The following WNT9B variants were observed in gnomAD, a reference collection of about 807,000 sequenced individuals.
The protein encoded by WNT9B is Wnt family member 9B.
In WNT9B, 12 loss-of-function variants were observed where a neutral mutation model predicts 30.2. The observed-to-expected ratio is 0.40, with a 90% confidence interval of 0.26 to 0.64. WNT9B has a LOEUF of 0.64. Among genes scored for constraint, WNT9B ranks in the 30% least tolerant of loss-of-function variants. The pLI is 0.42. For missense variants in WNT9B, 442 were observed against 485.2 expected (o/e 0.91, Z 0.84); for synonymous variants, 218 against 216.9 (o/e 1.01, Z -0.05).
At chr17:46,885,698 A>C (rs983716944) in exon 5 of WNT9B, 4 of 152,178 alleles carry the variant, frequency 2.6e-5, no homozygotes, top group Admixed American at 6.5e-5. Flanking sequence ...TGAATTTATA[A>C]ATCTTGTTCT....
At position 46,878,947 on chromosome 17, in the gene WNT9B, C is replaced by G. The variant is rs551693965; in HGVS notation, c.*2229C>G. On this transcript the variant is annotated 3_prime_UTR_variant, in exon 4 of 4. Coordinates refer to ENST00000290015, the MANE Select transcript of WNT9B (RefSeq NM_003396.3). ...GTCTGTCTCTCTCCCTCTCTTCTTC[C>G]TTGCTCTCATCCCTTTCTTTTCCAG... 2.0e-5 allele frequency among the ~76,000 whole-genome samples: 3 copies of G among 152,292 alleles called. No individual in the cohort carries two copies. The highest frequency in any genetic ancestry group is 1.9e-4 in the East Asian group (1 of 5,172).
At chr17:46,868,750 C>A (rs755813906) in intron 1 of WNT9B, among the ~76,000 whole-genome samples, 1 of 152,170 alleles carries the variant, frequency 6.6e-6, no homozygotes, top group Non-Finnish European at 1.5e-5. Flanking sequence ...CACAGAGGGA[C>A]CCAGTGAGTG....
At chr17:46,847,725 C>T (rs1041080279), upstream of WNT9B, among the ~76,000 whole-genome samples, 1 of 152,118 alleles carries the variant, frequency 6.6e-6, no homozygotes, top group African/African-American at 2.4e-5. Flanking sequence ...AGTTCATTTC[C>T]AGTGCAGTTT....
chr17:46,851,296 C>T (rs1261641600), upstream of WNT9B, among the ~76,000 whole-genome samples: 2 of 152,000 alleles, frequency 1.3e-5, no homozygotes, highest in African/African-American at 2.4e-5. The surrounding 1 kb of genome is among the most constrained non-coding windows in gnomAD (Gnocchi z 4.3). Context: ...GTACCCTCCT[C>T]CCCGCCTCTC....
At chr17:46,870,267 G>A (rs1482415848) in intron 1 of WNT9B, among the ~76,000 whole-genome samples, 1 of 152,172 alleles carries the variant, frequency 6.6e-6, no homozygotes, top group Non-Finnish European at 1.5e-5. Context: ...GAGGACATTT[G>A]AGGGCAAGGT....
At chr17:46,868,874 A>G (rs920429500) in intron 1 of WNT9B, among the ~76,000 whole-genome samples, 1 of 152,220 alleles carries the variant, frequency 6.6e-6, no homozygotes, top group African/African-American at 2.4e-5. Context: ...TCTGGGGTCT[A>G]GGAAGATACC....
chr17:46,854,011 G>A (rs781111796), intron 1 of WNT9B, among the ~76,000 whole-genome samples: 3 of 152,076 alleles, frequency 2.0e-5, no homozygotes, highest in Non-Finnish European at 1.5e-5. Flanking sequence ...AGGGCTGAGA[G>A]GGATGAGTAT....
At chr17:46,839,949 T>TC (rs1555693220) in intron 1 of WNT9B, among the ~76,000 whole-genome samples, 2 of 148,686 alleles carry the variant, frequency 1.3e-5, no homozygotes, top group African/African-American at 5.1e-5. Context: ...TCTTTCTTTC[T>TC]TTCTTTCTTT....
At chr17:46,872,496 C>T in intron 1 of WNT9B, 21 bp from the exon 2 acceptor site, 1 of 1,471,304 alleles carries the variant, frequency 6.8e-7, no homozygotes, top group Non-Finnish European at 9.0e-7. Context: ...TCACCTGTCT[C>T]CCTCCTCTCG....
At chr17:46,872,983 G>T (rs1438471049) in intron 2 of WNT9B, among the ~76,000 whole-genome samples, 4 of 152,076 alleles carry the variant, frequency 2.6e-5, no homozygotes, top group Non-Finnish European at 5.9e-5. Flanking sequence ...AGGTTTGGGG[G>T]AGCAGAGGAG....
At chr17:46,854,641 A>G (rs141056416) in intron 1 of WNT9B, among the ~76,000 whole-genome samples, 8 of 152,258 alleles carry the variant, frequency 5.3e-5, no homozygotes, top group East Asian at 1.9e-4. Flanking sequence ...AAAAAACATA[A>G]CTAGTATTGC....
intron 1 of WNT9B, among the ~76,000 whole-genome samples, chr17:46,842,239 G>C (rs549799762): frequency 6.6e-6 from 1 of 152,376 alleles, no homozygotes; most frequent in East Asian, 1.9e-4. Flanking sequence ...GTGTGAGGAA[G>C]AGATGAGTTA....
intron 3 of WNT9B, 73 bp downstream of exon 3, chr17:46,875,439 G>A (rs1321886607): frequency 6.8e-7 from 1 of 1,472,748 alleles, no homozygotes; most frequent in Admixed American, 2.6e-5. Flanking sequence ...CTTGAAGGAG[G>A]CCAGCACCCC....
intron 1 of WNT9B, among the ~76,000 whole-genome samples, chr17:46,842,385 T>G (rs2084726291): frequency 6.6e-6 from 1 of 152,178 alleles, no homozygotes; most frequent in Non-Finnish European, 1.5e-5. Flanking sequence ...TTTATTTGGT[T>G]GTTTTTTCAG....
intron 1 of WNT9B, among the ~76,000 whole-genome samples, chr17:46,838,991 C>A (rs1159944952): frequency 6.6e-6 from 1 of 152,102 alleles, no homozygotes; most frequent in Non-Finnish European, 1.5e-5. Context: ...CATTCTCCTG[C>A]CTCAGCCTCC....
rs865840410 is a variant in WNT9B at position 46,878,712 on chromosome 17, G to A, written c.*1994G>A. On this transcript the variant is annotated 3_prime_UTR_variant, in exon 4 of 4. Coordinates refer to ENST00000290015, the MANE Select transcript of WNT9B (RefSeq NM_003396.3). ...CAGCAGGGACCTCACTGGCAGAGCA[G>A]GGGGCCTGGGAGCAACGTGGAGGCC... Among the ~76,000 whole-genome samples the A allele has an allele frequency of 4.3e-4, 65 of 152,280 alleles. No individual in the cohort carries two copies. Among genetic ancestry groups the A allele is most frequent in the African/African-American group, 9.4e-4 (39 of 41,554 alleles).
At chr17:46,847,278 G>A (rs1052235611), upstream of WNT9B, among the ~76,000 whole-genome samples, 1 of 152,160 alleles carries the variant, frequency 6.6e-6, no homozygotes, top group African/African-American at 2.4e-5. Context: ...TCAGTCTGGT[G>A]TTCCAGAAAA....
At chr17:46,875,013 C>T in intron 2 of WNT9B, 88 bp from the exon 3 acceptor site, 1 of 1,606,922 alleles carries the variant, frequency 6.2e-7, no homozygotes, top group African/African-American at 1.3e-5. Flanking sequence ...GCCTCTGGCC[C>T]TCAGAGGGCG....
At chr17:46,845,395 G>A (rs57258872) in intron 1 of WNT9B, among the ~76,000 whole-genome samples, 29,736 of 151,826 alleles carry the variant, frequency 0.2, 3,585 homozygotes, top group East Asian at 0.5. Flanking sequence ...TTATATTCAC[G>A]GTGAGCCCAG....
Sources: gnomAD v4.1 joint callset for allele counts (sites outside exome capture counted in the v4.1 genomes callset) on GRCh38, gnomAD v4.1.1 for gene constraint, Gnocchi (gnomAD v3.1) non-coding constraint, MANE v1.5 for transcripts, NCBI Gene and HGNC (gene_info 2026-07-23, HGNC 2026-07-21) for gene names.